The following C10orf90 variants were observed in gnomAD, a reference collection of about 807,000 sequenced individuals.
C10orf90 encodes (E2-independent) E3 ubiquitin-conjugating enzyme FATS.
A neutral mutation model predicts 62.5 loss-of-function variants in C10orf90; 56 were observed. The observed-to-expected ratio is 0.90, with a 90% CI of 0.72 to 1.12. The LOEUF (loss-of-function observed/expected upper bound fraction) is 1.12, where lower values mean the gene tolerates loss of function less well. C10orf90 is among the 50% of genes most tolerant of loss of function. The pLI, the probability that C10orf90 is intolerant of heterozygous loss-of-function variation, is 0.00. For missense variants in C10orf90, 970 were observed against 880.4 expected (o/e 1.10, Z -1.29); for synonymous variants, 386 against 340.4 (o/e 1.13, Z -1.47).
chr10:126,446,564 G>T (rs776931818), intron 7 of C10orf90, among the ~76,000 whole-genome samples: 4 of 151,932 alleles, frequency 2.6e-5, no homozygotes, highest in Admixed American at 6.6e-5. Context: ...AGAGATAAAG[G>T]CTTTGTCAAA....
At chr10:126,460,257 C>T (rs994642468) in intron 6 of C10orf90, among the ~76,000 whole-genome samples, 4 of 152,188 alleles carry the variant, frequency 2.6e-5, no homozygotes, top group Non-Finnish European at 5.9e-5. Context: ...ATGTTTACCT[C>T]CGTGCTAGGC....
chr10:126,634,355 C>G (rs543848614), intron 2 of C10orf90, among the ~76,000 whole-genome samples: 54 of 152,238 alleles, frequency 3.5e-4, no homozygotes, highest in South Asian at 1.9e-3. Context: ...GCTAAGTGAA[C>G]AAAGCCAGAC....
At chr10:126,445,998 C>T (rs1240498940) in intron 7 of C10orf90, among the ~76,000 whole-genome samples, 1 of 151,404 alleles carries the variant, frequency 6.6e-6, no homozygotes, top group African/African-American at 2.4e-5. Flanking sequence ...GCTTTGGGGT[C>T]TCAGGGGGAA....
At chr10:126,626,289 C>T (rs1461312216) in intron 2 of C10orf90, among the ~76,000 whole-genome samples, 4 of 152,130 alleles carry the variant, frequency 2.6e-5, no homozygotes, top group Non-Finnish European at 5.9e-5. Context: ...CAGAAGCATC[C>T]TAGAACAGAC....
At chr10:126,590,056 C>G (rs1338676319) in intron 2 of C10orf90, among the ~76,000 whole-genome samples, 1 of 152,042 alleles carries the variant, frequency 6.6e-6, no homozygotes, top group Admixed American at 6.5e-5. Context: ...TAGTTTCTGA[C>G]AAACCAGACT....
In C10orf90 at chr10:126,469,787, A is replaced by T. The variant is rs537758746; in HGVS notation, c.1535-4801T>A. On this transcript the variant is annotated intron_variant, in intron 4 of 9. Transcript: ENST00000488181. ...TTCCAGCAAGCTCTATAACTACAGC[A>T]TCTAACTGGAAACCAGTTAAGAGAG... 1.4e-4 allele frequency: 64 copies of T among 442,698 alleles called. 1 individual carries two copies. Among genetic ancestry groups the T allele is most frequent in the African/African-American group, 1.3e-3 (63 of 49,816 alleles). 27.4% of individuals were successfully genotyped at this position (442,698 alleles called of 1,614,324 possible).
intron 1 of C10orf90, among the ~76,000 whole-genome samples, chr10:126,660,492 A>G (rs932030855): frequency 9.2e-5 from 14 of 152,362 alleles, no homozygotes; most frequent in African/African-American, 2.9e-4. Flanking sequence ...GTCTCTGGCT[A>G]ACAGCCAGTA....
intron 1 of C10orf90, among the ~76,000 whole-genome samples, chr10:126,665,285 A>G (rs1028487908): frequency 2.6e-5 from 4 of 152,282 alleles, no homozygotes; most frequent in African/African-American, 7.2e-5. Context: ...AAAAGCTTTG[A>G]TCTGGCTAAG....
intron 2 of C10orf90, among the ~76,000 whole-genome samples, chr10:126,534,099 C>T (rs979782952): frequency 6.6e-6 from 1 of 152,230 alleles, no homozygotes; most frequent in Non-Finnish European, 1.5e-5. Context: ...CCTGTCCTCC[C>T]TTGGAACTGC....
intron 2 of C10orf90, among the ~76,000 whole-genome samples, chr10:126,638,643 G>A (rs913799522): frequency 6.6e-6 from 1 of 152,048 alleles, no homozygotes; most frequent in Non-Finnish European, 1.5e-5. Flanking sequence ...AAATGATGAG[G>A]GCCTTGGATG....
intron 3 of C10orf90, 98 bp downstream of exon 3, chr10:126,513,745 CTAAAT>C: frequency 4.3e-6 from 3 of 705,020 alleles, no homozygotes; most frequent in Middle Eastern, 2.6e-4. Flanking sequence ...TCAATTTTGA[CTAAAT>C]AAAATAAAAT....
At chr10:126,569,939 A>G (rs2134002410) in intron 2 of C10orf90, among the ~76,000 whole-genome samples, 1 of 152,304 alleles carries the variant, frequency 6.6e-6, no homozygotes, top group Admixed American at 6.5e-5. Flanking sequence ...AAGAAAAACA[A>G]TGCTGCTTTT....
intron 2 of C10orf90, among the ~76,000 whole-genome samples, chr10:126,531,572 T>C (rs1049832673): frequency 3.3e-5 from 5 of 152,196 alleles, no homozygotes; most frequent in Admixed American, 6.5e-5. Context: ...CTGGAACAAC[T>C]GGATATTCCA....
intron 4 of C10orf90, among the ~76,000 whole-genome samples, chr10:126,496,051 T>C (rs1031986960): frequency 6.6e-6 from 1 of 152,214 alleles, no homozygotes; most frequent in African/African-American, 2.4e-5. Flanking sequence ...GGTTACCCTG[T>C]TACCCACTGT....
intron 2 of C10orf90, among the ~76,000 whole-genome samples, chr10:126,615,128 C>A (rs73386871): frequency 0.049 from 7,400 of 152,220 alleles, 528 homozygotes; most frequent in African/African-American, 0.16. Flanking sequence ...CAGATGGAGG[C>A]TCAAAGGTTT....
chr10:126,571,857 C>T (rs1437875479), intron 2 of C10orf90, among the ~76,000 whole-genome samples: 1 of 152,172 alleles, frequency 6.6e-6, no homozygotes, highest in Non-Finnish European at 1.5e-5. Flanking sequence ...GCACCAATCA[C>T]ACCTAACAAT....
chr10:126,491,981 A>C (rs1861794893), intron 4 of C10orf90, among the ~76,000 whole-genome samples: 1 of 152,250 alleles, frequency 6.6e-6, no homozygotes, highest in African/African-American at 2.4e-5. Context: ...AAAGGGGAAA[A>C]GATGAAGAAG....
intron 4 of C10orf90, among the ~76,000 whole-genome samples, chr10:126,475,535 A>G (rs1860812058): frequency 1.3e-5 from 2 of 152,188 alleles, no homozygotes; most frequent in South Asian, 4.1e-4. Flanking sequence ...TCTTGTTTGG[A>G]CAGCTGTTTC....
chr10:126,619,600 T>G (rs925548750), intron 2 of C10orf90, among the ~76,000 whole-genome samples: 2 of 152,342 alleles, frequency 1.3e-5, no homozygotes, highest in South Asian at 4.1e-4. Flanking sequence ...TCTGTTCAAG[T>G]GTTTGGCACT....
Sources: gnomAD v4.1 joint callset for allele counts (sites outside exome capture counted in the v4.1 genomes callset) on GRCh38, gnomAD v4.1.1 for gene constraint, MANE v1.5 for transcripts, NCBI Gene and HGNC (gene_info 2026-07-23, HGNC 2026-07-21) for gene names.